EPB42: variants seen among roughly 807,000 people sequenced by gnomAD.
EPB42 encodes the protein erythrocyte membrane protein band 4.2.
A neutral mutation model predicts 76.9 loss-of-function variants in EPB42; 49 were observed. The observed-to-expected ratio is 0.64, with a 90% CI of 0.51 to 0.81. The LOEUF is 0.81. Among genes scored for constraint, EPB42 ranks in the 30% least tolerant of loss-of-function variants. The pLI, the probability that EPB42 is intolerant of heterozygous loss-of-function variation, is 0.00. For synonymous variants in EPB42, 310 were observed against 338.4 expected (o/e 0.92, Z 0.92); for missense variants, 731 against 867.6 (o/e 0.84, Z 1.98).
Position 43,215,234 on chromosome 15 carries a change from T to C in EPB42, c.291A>G (p.Arg97=). 1 of 1,614,140 alleles carries C rather than the reference T, an allele frequency of 6.2e-7. No individual in the cohort carries two copies. Among genetic ancestry groups the C allele is most frequent in the Non-Finnish European group, 8.5e-7 (1 of 1,180,020 alleles). The change falls in exon 3 of 13, where the codon AGA becomes AGG. Residue 97 remains arginine, a synonymous_variant. Coordinates refer to ENST00000441366, the MANE Select transcript of EPB42 (RefSeq NM_001114134.2). ...RKWWSAVVEE[R]DAQSWTISVT... is the part of the protein sequence containing the mutation. The stretch of plus-strand genomic sequence containing the variant: ...CAGAGATGGTCCAGGACTGGGCATC[T>C]CTCTCCTCCACCACTGCACTCCACC...
intron 10 of EPB42, 131 bp from the exon 11 acceptor site, chr15:43,203,406 T>C: frequency 1.7e-6 from 2 of 1,187,026 alleles, no homozygotes; most frequent in African/African-American, 1.5e-5. Context: ...TCCCCAGCAA[T>C]TGTACACTTG....
upstream of EPB42, among the ~76,000 whole-genome samples, chr15:43,224,518 T>C (rs1188081097): frequency 6.6e-6 from 1 of 152,178 alleles, no homozygotes; most frequent in African/African-American, 2.4e-5. Flanking sequence ...AAAAAAAGTC[T>C]ATACTTTTGA....
At chr15:43,217,665 C>G (rs2042399017) in intron 1 of EPB42, among the ~76,000 whole-genome samples, 1 of 152,208 alleles carries the variant, frequency 6.6e-6, no homozygotes, top group South Asian at 2.1e-4. Flanking sequence ...AGTTTTTGCA[C>G]TGGCTCAACT....
Position 43,211,544 on chromosome 15 carries a change from G to C in EPB42, c.431-10C>G, listed in dbSNP as rs750545801. 6.3e-7 allele frequency: 1 copy of C among 1,587,238 alleles called. No homozygotes were observed. The highest frequency in any genetic ancestry group is 2.2e-5 in the East Asian group (1 of 44,758). On this transcript the variant is annotated splice_polypyrimidine_tract_variant and intron_variant, in intron 3 of 12. Coordinates refer to ENST00000441366, the MANE Select transcript of EPB42 (RefSeq NM_001114134.2). ...AGGAACACAGCATCCTCTGGTGAGA[G>C]GTGGGTAGGGATGAGGGCCTGTGGG... is the stretch of plus-strand genomic sequence containing the variant.
At chr15:43,204,964 G>GCT (rs537746619) in intron 10 of EPB42, among the ~76,000 whole-genome samples, 2 of 120,844 alleles carry the variant, frequency 1.7e-5, no homozygotes, top group African/African-American at 6.8e-5. Flanking sequence ...TGCCCCCTCC[G>GCT]CCCCCCCCCC....
At chr15:43,202,110 T>C in intron 11 of EPB42, 133 bp from the exon 12 acceptor site, 2 of 1,224,686 alleles carry the variant, frequency 1.6e-6, no homozygotes, top group African/African-American at 1.5e-5. Flanking sequence ...TCACAGCTGA[T>C]GTCTTCTACC....
rs1308547989 is a variant in EPB42 at position 43,220,922 on chromosome 15, G to A, written c.-97C>T. 6.0e-6 allele frequency: 7 copies of A among 1,176,390 alleles called. No individual in the cohort carries two copies. Among genetic ancestry groups the A allele is most frequent in the Non-Finnish European group, 7.5e-6 (6 of 796,648 alleles). 72.9% of individuals were successfully genotyped at this position (1,176,390 alleles called of 1,614,324 possible). A position where few individuals can be genotyped will look rare whatever the true frequency, so the allele number is the denominator to read the frequency against. On this transcript the variant is annotated 5_prime_UTR_variant, in exon 1 of 13. Coordinates refer to ENST00000441366, the MANE Select transcript of EPB42 (RefSeq NM_001114134.2). ...TTCTGGGCTTTCTGTCTTCCAGACAGAAAATATGAAGGCACTTTTGTTGGC... is the reference window on the plus strand; with the variant it reads ...TTCTGGGCTTTCTGTCTTCCAGACAAAAAATATGAAGGCACTTTTGTTGGC...
chr15:43,208,476 G>T (rs970099557), intron 7 of EPB42, 143 bp from the exon 8 acceptor site: 15 of 1,395,518 alleles, frequency 1.1e-5, no homozygotes, highest in Middle Eastern at 1.8e-4. Context: ...TCCCAGGAAG[G>T]GGCGTGCACA....
intron 1 of EPB42, among the ~76,000 whole-genome samples, chr15:43,219,162 G>A (rs2042421462): frequency 4.6e-5 from 7 of 152,190 alleles, no homozygotes; most frequent in Admixed American, 4.6e-4. Context: ...AAGCTACTGA[G>A]GTGATGTCAG....
intron 4 of EPB42, among the ~76,000 whole-genome samples, chr15:43,211,004 A>G (rs1362784249): frequency 6.6e-6 from 1 of 152,092 alleles, no homozygotes; most frequent in Non-Finnish European, 1.5e-5. Context: ...GATGGGTAGG[A>G]GCTTGCCAGG....
upstream of EPB42, among the ~76,000 whole-genome samples, chr15:43,223,752 T>C (rs1034774858): frequency 6.6e-6 from 1 of 152,050 alleles, no homozygotes. Flanking sequence ...GGCAGGTGAA[T>C]CACTTGAGGT....
chr15:43,211,615 G>T, intron 3 of EPB42, 81 bp from the exon 4 acceptor site: 1 of 983,994 alleles, frequency 1.0e-6, no homozygotes, highest in African/African-American at 1.6e-5. Context: ...CCTCCCTGCC[G>T]AGATTAGGTT....
chr15:43,208,431 G>T, intron 7 of EPB42, 98 bp from the exon 8 acceptor site: 1 of 1,426,422 alleles, frequency 7.0e-7, no homozygotes, highest in Non-Finnish European at 9.8e-7. Flanking sequence ...GTTCCAGTGG[G>T]ATGGGAGGTC....
intron 1 of EPB42, 60 bp downstream of exon 1, chr15:43,220,756 G>T (rs144428415): frequency 6.2e-7 from 1 of 1,610,884 alleles, no homozygotes; most frequent in Non-Finnish European, 8.5e-7. Context: ...ATGAAAACAG[G>T]TGATGCTGCG....
At position 43,208,131 on chromosome 15, in the gene EPB42, T is replaced by C. The variant is rs2042233635; in HGVS notation, c.1075+99A>G. The C allele has an allele frequency of 4.9e-6, 5 of 1,026,596 alleles. No homozygotes were observed. In the South Asian group the frequency reaches 6.6e-5, roughly 14 times the overall value. 63.6% of individuals were successfully genotyped at this position (1,026,596 alleles called of 1,614,324 possible). On this transcript the variant is annotated intron_variant, in intron 8 of 12. Transcript: ENST00000441366. Reference sequence around the variant, plus strand: ...CTCGTGCTTCTACTGTTTTCGAGGATGCAGACCCCCTTGGGACTGCCTGCT... The same window carrying C: ...CTCGTGCTTCTACTGTTTTCGAGGACGCAGACCCCCTTGGGACTGCCTGCT...
intron 10 of EPB42, among the ~76,000 whole-genome samples, chr15:43,204,974 C>CACA (rs1555471882): frequency 6.9e-6 from 1 of 145,130 alleles, no homozygotes; most frequent in African/African-American, 2.6e-5. Flanking sequence ...GCCCCCCCCC[C>CACA]AAAAAAAAGT....
upstream of EPB42, among the ~76,000 whole-genome samples, chr15:43,222,479 C>A (rs913119163): frequency 6.6e-6 from 1 of 152,194 alleles, no homozygotes; most frequent in African/African-American, 2.4e-5. Flanking sequence ...AGGAAGATCA[C>A]CATCCTGTGT....
chr15:43,224,599 T>A (rs527960735), upstream of EPB42, among the ~76,000 whole-genome samples: 3 of 152,216 alleles, frequency 2.0e-5, no homozygotes, highest in Non-Finnish European at 4.4e-5. Flanking sequence ...TTTATACAAG[T>A]ATATTCAAGG....
At chr15:43,210,571 C>A in intron 4 of EPB42, 132 bp from the exon 5 acceptor site, 1 of 799,466 alleles carries the variant, frequency 1.3e-6, no homozygotes, top group Non-Finnish European at 2.1e-6. Flanking sequence ...CACTCCACAC[C>A]TGCCTCCCTT....
Sources: allele counts gnomAD v4.1 joint callset (sites outside exome capture counted in the v4.1 genomes callset), GRCh38; gene constraint gnomAD v4.1.1; transcripts MANE v1.5; gene names NCBI Gene and HGNC (gene_info 2026-07-23, HGNC 2026-07-21).